Variants in CPVL observed in about 807,000 individuals in gnomAD.
CPVL encodes probable serine carboxypeptidase CPVL.
Under a neutral mutation model 63.7 loss-of-function variants are expected in CPVL, and 51 were observed. The ratio of observed to expected loss-of-function variants is 0.80; its 90% confidence interval spans 0.64 to 1.01. The LOEUF (loss-of-function observed/expected upper bound fraction) is 1.01. Among genes scored for constraint, CPVL ranks in the 50% least tolerant of loss-of-function variants. The pLI, the probability that CPVL is intolerant of heterozygous loss-of-function variation, is 0.00. For missense variants in CPVL, 530 were observed against 573.1 expected (o/e 0.92, Z 0.77); for synonymous variants, 195 against 206.0 (o/e 0.95, Z 0.46).
chr7:29,035,623 C>T (rs1247290004), intron 11 of CPVL, among the ~76,000 whole-genome samples: 1 of 135,756 alleles, frequency 7.4e-6, no homozygotes, highest in Non-Finnish European at 1.5e-5. Flanking sequence ...GCCTTAAAAA[C>T]AGGAGCTCCC....
intron 1 of CPVL, among the ~76,000 whole-genome samples, chr7:29,187,856 T>C (rs1163587726): frequency 1.3e-5 from 2 of 152,248 alleles, no homozygotes; most frequent in South Asian, 2.1e-4. Context: ...ATAACATTAT[T>C]GTTGGGCATA....
intron 3 of CPVL, among the ~76,000 whole-genome samples, chr7:29,108,234 C>G (rs1172069774): frequency 6.6e-6 from 1 of 152,214 alleles, no homozygotes; most frequent in South Asian, 2.1e-4. Context: ...AGGCCTGACT[C>G]TAAATGCCCC....
chr7:29,112,623 G>A (rs2128631178), intron 3 of CPVL, 81 bp downstream of exon 3: 2 of 875,178 alleles, frequency 2.3e-6, no homozygotes, highest in Non-Finnish European at 3.7e-6. Flanking sequence ...TTAAAGACCT[G>A]TAGCTCGGTA....
chr7:29,007,447 G>T (rs1438811041), intron 12 of CPVL, among the ~76,000 whole-genome samples: 1 of 151,818 alleles, frequency 6.6e-6, no homozygotes, highest in Non-Finnish European at 1.5e-5. Context: ...TTAAGAGAAG[G>T]GAAAAAAACA....
Position 29,112,744 on chromosome 7 carries a change from G to C in CPVL, c.248C>G (p.Thr83Ser), listed in dbSNP as rs759869948. The change falls in exon 3 of 13, where the codon ACT (threonine) becomes AGT (serine). Residue 83 changes from threonine to serine, a missense_variant. Transcript: ENST00000265394. ...SYAGFLTVNK[T>S]YNSNLFFWFF... ...CCAGAAGAAGAGGTTGCTGTTGTAA[G>C]TCTTATTCACGGTGAGGAAGCCGGC... 7 of 1,613,534 alleles carry C rather than the reference G, an allele frequency of 4.3e-6. No individual in the cohort carries two copies. Among genetic ancestry groups the C allele is most frequent in the Non-Finnish European group, 5.1e-6 (6 of 1,179,858 alleles).
intron 5 of CPVL, among the ~76,000 whole-genome samples, chr7:29,169,440 C>G (rs1252520059): frequency 1.3e-5 from 2 of 151,770 alleles, no homozygotes; most frequent in African/African-American, 4.8e-5. Flanking sequence ...AGTGATTTGT[C>G]CTATTTTGTT....
At chr7:29,194,825 TC>T in intron 1 of CPVL, 1 of 896,948 alleles carries the variant, frequency 1.1e-6, no homozygotes, top group South Asian at 3.0e-5. Context: ...TTTCTGCGCG[TC>T]CCCAGGACTT....
chr7:29,030,541 T>C (rs1434675618), intron 12 of CPVL, 36 bp downstream of exon 12: 1 of 1,589,468 alleles, frequency 6.3e-7, no homozygotes. Flanking sequence ...CGCTCTCCCA[T>C]TCCCACAACC....
At chr7:29,177,014 AAGC>A (rs1357717416) in intron 5 of CPVL, among the ~76,000 whole-genome samples, 18 of 152,146 alleles carry the variant, frequency 1.2e-4, no homozygotes, top group Non-Finnish European at 2.4e-4. Flanking sequence ...ATACAAAAGA[AAGC>A]AAGAAAGAGA....
chr7:29,177,743 C>G (rs888386675), intron 5 of CPVL, among the ~76,000 whole-genome samples: 3 of 152,082 alleles, frequency 2.0e-5, no homozygotes, highest in East Asian at 3.9e-4. Context: ...TACCCCAACC[C>G]TCTTTACTTC....
At chr7:29,171,491 A>G (rs1355211280) in intron 5 of CPVL, among the ~76,000 whole-genome samples, 1 of 152,156 alleles carries the variant, frequency 6.6e-6, no homozygotes, top group Non-Finnish European at 1.5e-5. Context: ...GACGGAGAGG[A>G]TTCTACCCAG....
intron 6 of CPVL, 43 bp from the exon 7 acceptor site, chr7:29,086,593 A>C: frequency 7.3e-7 from 1 of 1,370,848 alleles, no homozygotes; most frequent in East Asian, 2.3e-5. Context: ...AATCAGAAAA[A>C]TGATTCAGGA....
intron 11 of CPVL, among the ~76,000 whole-genome samples, chr7:29,043,996 T>C (rs139814951): frequency 1.3e-3 from 193 of 151,914 alleles, no homozygotes; most frequent in African/African-American, 4.5e-3. Context: ...ACTCAAATCA[T>C]GATGATGATG....
intron 10 of CPVL, among the ~76,000 whole-genome samples, chr7:29,064,789 C>A (rs4722885): frequency 0.85 from 128,840 of 151,504 alleles, 54,830 homozygotes; most frequent in South Asian, 0.91. Context: ...TGCTATCCCT[C>A]CCCCCTACCC....
intron 12 of CPVL, among the ~76,000 whole-genome samples, chr7:29,005,162 A>T (rs887027450): frequency 2.0e-5 from 3 of 152,038 alleles, no homozygotes; most frequent in Non-Finnish European, 4.4e-5. Flanking sequence ...GGCCTCCCAA[A>T]GTGCTGAGAT....
upstream of CPVL, among the ~76,000 whole-genome samples, chr7:29,149,259 C>T (rs1316083688): frequency 1.6e-5 from 2 of 127,790 alleles, no homozygotes; most frequent in Non-Finnish European, 3.1e-5. Context: ...ATGTCGCAAT[C>T]TCAGCTCACT....
rs374264637 is a variant in CPVL, at chr7:29,069,368, G to C, written c.864+2405C>G. Among the ~76,000 whole-genome samples, 313 of 151,688 alleles carry C rather than the reference G, an allele frequency of 2.1e-3. 1 individual carries two copies. The highest frequency in any genetic ancestry group is 6.4e-3 in the African/African-American group (264 of 41,362). On this transcript the variant is annotated intron_variant, in intron 9 of 12. Coordinates refer to ENST00000265394, the MANE Select transcript of CPVL (RefSeq NM_031311.5). ...AGGCAGGAGAATGGCTTGAACCTGG[G>C]AGGTGGAGGTTGCAGTGAGCTGAGA...
At chr7:29,053,291 C>T (rs573365391) in intron 11 of CPVL, among the ~76,000 whole-genome samples, 2 of 152,300 alleles carry the variant, frequency 1.3e-5, no homozygotes, top group South Asian at 4.1e-4. Flanking sequence ...CAACACTGTA[C>T]ATGAATATTC....
intron 3 of CPVL, among the ~76,000 whole-genome samples, chr7:29,097,618 C>T (rs1437393433): frequency 6.6e-6 from 1 of 152,088 alleles, no homozygotes; most frequent in Non-Finnish European, 1.5e-5. Context: ...ATCCCTTGAA[C>T]CAGGGAGGCA....
Sources: allele counts gnomAD v4.1 joint callset (sites outside exome capture counted in the v4.1 genomes callset), GRCh38; gene constraint gnomAD v4.1.1; transcripts MANE v1.5; gene names NCBI Gene and HGNC (gene_info 2026-07-23, HGNC 2026-07-21).